Variants in NBEAL1 observed in about 807,000 individuals in gnomAD.
The protein encoded by NBEAL1 is neurobeachin like 1.
A neutral mutation model predicts 351.3 loss-of-function variants in NBEAL1; 273 were observed. That is an observed-to-expected ratio of 0.78 (90% CI 0.70 to 0.86). NBEAL1 has a LOEUF of 0.86. NBEAL1 is among the 40% of genes least tolerant of loss of function. The probability of loss-of-function intolerance (pLI) is 0.00; values close to 1 mark genes in which losing one functional copy is unlikely to be tolerated. For missense variants in NBEAL1, 2,961 were observed against 3,201.3 expected, an observed-to-expected ratio of 0.92 and a Z score of 1.81; for synonymous variants, 1,050 against 1,086.4, an observed-to-expected ratio of 0.97 and a Z score of 0.66.
At chr2:203,201,073 T>G (rs2105811467) in intron 49 of NBEAL1, among the ~76,000 whole-genome samples, 1 of 152,352 alleles carries the variant, frequency 6.6e-6, no homozygotes, top group Admixed American at 6.5e-5. Flanking sequence ...CATGCTTGCT[T>G]TGGTTCAAAT....
intron 2 of NBEAL1, among the ~76,000 whole-genome samples, chr2:203,016,877 C>G (rs1012247831): frequency 1.2e-4 from 18 of 152,126 alleles, no homozygotes; most frequent in African/African-American, 4.1e-4. Flanking sequence ...TGTGTGACTG[C>G]CACTAAGTTA....
In NBEAL1 at chr2:203,107,702, C is replaced by G. The variant is rs183416448; in HGVS notation, c.1463C>G (p.Ser488Cys). The part of the protein sequence containing the change: ...LLIQWLPELQ[S>C]HDLQIFISDW... ...ATCCAGTGGCTTCCAGAACTACAAT[C>G]CCATGACCTGCAAATCTTCATCTCT... The change falls in exon 14 of 56, where the codon TCC (serine) becomes TGC (cysteine). Residue 488 changes from serine (S) to cysteine (C), a missense_variant. Ser to Cys is a moderately radical substitution (Grantham distance 112). Coordinates refer to ENST00000683969, the MANE Select transcript of NBEAL1 (RefSeq NM_001378026.1). 10 of 1,553,326 alleles carry G rather than the reference C, an allele frequency of 6.4e-6. No individual in the cohort carries two copies. The East Asian group carries it at 2.4e-4, about 38-fold the overall frequency.
Position 203,113,369 on chromosome 2 carries a change from G to A in NBEAL1, c.2506+51G>A, listed in dbSNP as rs141894323. 48 of 1,013,692 alleles carry A rather than the reference G, an allele frequency of 4.7e-5. No individual in the cohort carries two copies. In the East Asian group the frequency reaches 1.3e-3, roughly 27 times the overall value. The allele number at this position is 1,013,692 out of a possible 1,614,324, so 62.8% of individuals were successfully genotyped here. A position where few individuals can be genotyped will look rare whatever the true frequency, so the allele number is the denominator to read the frequency against. On this transcript the variant is annotated intron_variant, in intron 17 of 55. Coordinates refer to ENST00000683969, the MANE Select transcript of NBEAL1 (RefSeq NM_001378026.1). ...AAGCAAATTTAGAGTTTTTTTTGTT[G>A]TCTAAATATATTCTGAAGAATATAT...
chr2:203,203,203 A>G (rs2065450255), intron 51 of NBEAL1, among the ~76,000 whole-genome samples: 1 of 151,248 alleles, frequency 6.6e-6, no homozygotes, highest in African/African-American at 2.4e-5. Context: ...TTGAGATGGC[A>G]TGATCTCGGC....
In NBEAL1 at chr2:203,146,428, G is replaced by A. The variant is rs771267351; in HGVS notation, c.5304+1268G>A. ...CTCATAGTGAAATCATAGAAAAATAGTACAAGAAAACTGCAGACCAGTATC... is the reference window on the plus strand; with the variant it reads ...CTCATAGTGAAATCATAGAAAAATAATACAAGAAAACTGCAGACCAGTATC... On this transcript the variant is annotated intron_variant, in intron 33 of 55. Coordinates refer to ENST00000683969, the MANE Select transcript of NBEAL1 (RefSeq NM_001378026.1). 4.6e-5 allele frequency among the ~76,000 whole-genome samples: 7 copies of A among 152,114 alleles called. No individual in the cohort carries two copies. In the Middle Eastern group the frequency reaches 0.01, roughly 222 times the overall value.
intron 14 of NBEAL1, among the ~76,000 whole-genome samples, chr2:203,108,547 C>T (rs547234661): frequency 2.6e-5 from 4 of 152,016 alleles, no homozygotes; most frequent in Non-Finnish European, 2.9e-5. Context: ...TACAGGCACC[C>T]GCCACCACGC....
At position 203,223,671 on chromosome 2, in the gene NBEAL1, C is replaced by T. The variant is rs1056659737; in HGVS notation, c.*6317C>T. Reference sequence around the variant, plus strand: ...AATTTTTATTTTGGTAATATTTCAACTTAAGATGTATTAAAACTAGCAATT... The same window carrying T: ...AATTTTTATTTTGGTAATATTTCAATTTAAGATGTATTAAAACTAGCAATT... On this transcript the variant is annotated 3_prime_UTR_variant, in exon 56 of 56. Coordinates refer to ENST00000683969, the MANE Select transcript of NBEAL1 (RefSeq NM_001378026.1). Among the ~76,000 whole-genome samples the T allele has an allele frequency of 1.1e-4, 16 of 152,052 alleles. No individual in the cohort carries two copies. The highest frequency in any genetic ancestry group is 2.2e-4 in the Non-Finnish European group (15 of 67,896).
chr2:203,111,201 C>T (rs1361077368), intron 15 of NBEAL1, among the ~76,000 whole-genome samples: 1 of 151,980 alleles, frequency 6.6e-6, no homozygotes, highest in Non-Finnish European at 1.5e-5. Flanking sequence ...TGAGGTGGCA[C>T]ACACCTATAA....
At position 203,125,977 on chromosome 2, in the gene NBEAL1, A is replaced by C. The variant is rs777414547; in HGVS notation, c.2869A>C (p.Asn957His). ...TKASESRLERNLVATFILIVK... is the reference protein window; with the variant it reads ...TKASESRLERHLVATFILIVK... ...TTCTACAGAGTCAAGACTAGAGAGA[A>C]ACCTAGTTGCAACATTTATCTTAAT... Residue 957 changes from asparagine (N) to histidine (H), a missense_variant, in exon 21 of 56, where the codon AAC becomes CAC. By Grantham distance (68) the Asn-to-His change is moderately conservative. Coordinates refer to ENST00000683969, the MANE Select transcript of NBEAL1 (RefSeq NM_001378026.1). 2.0e-6 allele frequency: 3 copies of C among 1,535,842 alleles called. No individual in the cohort carries two copies. Among genetic ancestry groups the C allele is most frequent in the Non-Finnish European group, 2.6e-6 (3 of 1,141,026 alleles).
At chr2:203,046,113 G>T (rs2061220812) in intron 3 of NBEAL1, among the ~76,000 whole-genome samples, 1 of 151,912 alleles carries the variant, frequency 6.6e-6, no homozygotes. Flanking sequence ...CCAGGAATTA[G>T]AGACCAGCCT....
At chr2:203,040,134 C>G in intron 2 of NBEAL1, 1 of 1,332,592 alleles carries the variant, frequency 7.5e-7, no homozygotes, top group Non-Finnish European at 1.1e-6. Flanking sequence ...AAAGAAAAAT[C>G]CATTTGGTTC....
intron 4 of NBEAL1, among the ~76,000 whole-genome samples, chr2:203,053,356 A>G (rs2061352758): frequency 6.6e-6 from 1 of 152,164 alleles, no homozygotes; most frequent in Non-Finnish European, 1.5e-5. Context: ...ATGGCTATAT[A>G]CCATTTGTAT....
At chr2:203,040,501 C>T in intron 2 of NBEAL1, 1 of 679,752 alleles carries the variant, frequency 1.5e-6, no homozygotes, top group Admixed American at 1.8e-5. Flanking sequence ...AAAAATGCTG[C>T]TTATAGTGGA....
At chr2:203,188,697 A>T in intron 45 of NBEAL1, 108 bp downstream of exon 45, 1 of 622,268 alleles carries the variant, frequency 1.6e-6, no homozygotes, top group Non-Finnish European at 2.7e-6. Context: ...ACTACATTTT[A>T]AAAACATCTT....
rs547082382 is a variant in NBEAL1, at chr2:203,220,095, A to G, written c.*2741A>G. 6.6e-6 allele frequency among the ~76,000 whole-genome samples: 1 copy of G among 152,330 alleles called. No individual in the cohort carries two copies. Among genetic ancestry groups the G allele is most frequent in the East Asian group, 1.9e-4 (1 of 5,190 alleles). On this transcript the variant is annotated 3_prime_UTR_variant, in exon 56 of 56. Coordinates refer to ENST00000683969, the MANE Select transcript of NBEAL1 (RefSeq NM_001378026.1). ...GATGTTACCCATAGAAATTAGTTAT[A>G]TATTATATAATGGGAGAAATGAACA...
chr2:203,041,949 T>C (rs1200033064), intron 3 of NBEAL1, 93 bp downstream of exon 3: 2 of 807,268 alleles, frequency 2.5e-6, no homozygotes, highest in Non-Finnish European at 4.2e-6. Flanking sequence ...ATGGCAATTA[T>C]GTTACCCTCT....
Position 203,149,043 on chromosome 2 carries a change from A to G in NBEAL1, c.5357A>G (p.Tyr1786Cys). 6.2e-7 allele frequency: 1 copy of G among 1,612,840 alleles called. No individual in the cohort carries two copies. Among genetic ancestry groups the G allele is most frequent in the South Asian group, 1.1e-5 (1 of 90,882 alleles). ...NRKARQENLR[Y>C]NNMLKQLSSQ... ...AAAGCACGCCAAGAGAACCTGAGGT[A>G]TAATAATATGCTTAAACAACTTAGC... The change falls in exon 34 of 56, where the codon TAT becomes TGT. Residue 1786 changes from tyrosine (Y) to cysteine (C), a missense_variant. Transcript: ENST00000683969.
chr2:203,045,109 A>C (rs2061205371), intron 3 of NBEAL1, among the ~76,000 whole-genome samples: 3 of 152,226 alleles, frequency 2.0e-5, no homozygotes, highest in South Asian at 2.1e-4. Flanking sequence ...ATAATTAAAA[A>C]AAATCTTTCT....
rs549612207 is a variant in NBEAL1, at chr2:203,101,916, CAG to C, written c.1269+2205_1269+2206del. On this transcript the variant is annotated intron_variant, in intron 12 of 55. Transcript: ENST00000683969. Reference sequence around the variant, plus strand: ...AGCCCAGGCAGTATGGTTATTTTAACAGTATTGATTCTTCCTATTCATAAACA... The same window carrying C: ...AGCCCAGGCAGTATGGTTATTTTAACTATTGATTCTTCCTATTCATAAACA... 2.6e-5 allele frequency among the ~76,000 whole-genome samples: 4 copies of C among 152,284 alleles called. No individual in the cohort carries two copies. In the South Asian group the frequency reaches 8.3e-4, roughly 32 times the overall value.
Sources: allele counts gnomAD v4.1 joint callset (sites outside exome capture counted in the v4.1 genomes callset), GRCh38; gene constraint gnomAD v4.1.1; transcripts MANE v1.5; gene names NCBI Gene and HGNC (gene_info 2026-07-23, HGNC 2026-07-21).